Variants in ANKRD27 observed in about 807,000 individuals in gnomAD.
ANKRD27 encodes the protein ankyrin repeat domain 27.
A neutral mutation model predicts 129.7 loss-of-function variants in ANKRD27; 112 were observed. The ratio of observed to expected loss-of-function variants is 0.86; its 90% CI spans 0.74 to 1.01. ANKRD27 has a LOEUF of 1.01. Ranked by LOEUF, ANKRD27 falls within the 50% of genes least tolerant of loss-of-function variation. ANKRD27 has a pLI of 0.00. For synonymous variants in ANKRD27, 516 were observed against 511.2 expected (o/e 1.01, Z -0.13); for missense variants, 1,258 against 1,300.5 (o/e 0.97, Z 0.50).
chr19:32,670,149 A>T (rs988709807), intron 1 of ANKRD27, among the ~76,000 whole-genome samples: 5 of 152,208 alleles, frequency 3.3e-5, no homozygotes, highest in Non-Finnish European at 1.5e-5. Context: ...CATGCAGGTC[A>T]CATGCAAGAA....
chr19:32,628,153 ATCATTCAACCTCC>A lies in ANKRD27; in HGVS notation c.1338-1_1349del. 1 of 1,614,102 alleles carries A rather than the reference ATCATTCAACCTCC, an allele frequency of 6.2e-7. No homozygotes were observed. The highest frequency in any genetic ancestry group is 8.5e-7 in the Non-Finnish European group (1 of 1,179,922). On this transcript the variant is annotated splice_acceptor_variant and coding_sequence_variant, in exon 15 of 29. Coordinates refer to ENST00000306065, the MANE Select transcript of ANKRD27 (RefSeq NM_032139.3). LOFTEE classifies it high-confidence loss of function. ...TGGAGAATGGAGTGACAACTGAGGG[ATCATTCAACCTCC>A]TAAAATACAGAAAGAGATAGAAAAC...
At chr19:32,652,949 A>G (rs535862166) in intron 2 of ANKRD27, among the ~76,000 whole-genome samples, 2 of 152,248 alleles carry the variant, frequency 1.3e-5, no homozygotes, top group Non-Finnish European at 1.5e-5. Context: ...AGAAGAAAAG[A>G]AAAGTCAAAT....
chr19:32,599,077 C>A (rs1256363233), intron 28 of ANKRD27, among the ~76,000 whole-genome samples: 1 of 152,114 alleles, frequency 6.6e-6, no homozygotes, highest in Non-Finnish European at 1.5e-5. Flanking sequence ...GTCAGGAGTT[C>A]AAGACCAGCC....
intron 15 of ANKRD27, 49 bp downstream of exon 15, chr19:32,628,034 C>T (rs776061477): frequency 6.4e-7 from 1 of 1,569,610 alleles, no homozygotes; most frequent in South Asian, 1.1e-5. Flanking sequence ...ACCTTGGGCA[C>T]CATCCCTTTG....
At chr19:32,657,460 T>C (rs945462643) in intron 2 of ANKRD27, among the ~76,000 whole-genome samples, 73 of 126,074 alleles carry the variant, frequency 5.8e-4, no homozygotes, top group Admixed American at 8.9e-4. Flanking sequence ...AGGCTCTGTC[T>C]CAAAAAAAAA....
chr19:32,661,494 G>A (rs757151630), intron 1 of ANKRD27, among the ~76,000 whole-genome samples: 2 of 151,828 alleles, frequency 1.3e-5, no homozygotes, highest in African/African-American at 2.4e-5. Flanking sequence ...GCACCACCAC[G>A]CCCAACCTTT....
At position 32,665,763 on chromosome 19, in the gene ANKRD27, G is replaced by GT. The variant is rs1205718213; in HGVS notation, c.-30-6719dup. Among the ~76,000 whole-genome samples the GT allele has an allele frequency of 3.3e-3, 498 of 148,966 alleles. 1 individual carries two copies. The highest frequency in any genetic ancestry group is 6.4e-3 in the Non-Finnish European group (427 of 66,996). On this transcript the variant is annotated intron_variant, in intron 1 of 28. Transcript: ENST00000306065. The stretch of plus-strand genomic sequence containing the variant: ...CATGAGCCACCGCGCCCAGCCTGCC[G>GT]TTTTTTTTGTTTTTCGAGACAGAGG...
intron 1 of ANKRD27, among the ~76,000 whole-genome samples, chr19:32,661,247 A>ACATACACACACC (rs1568419976): frequency 4.9e-5 from 2 of 40,508 alleles, no homozygotes; most frequent in Admixed American, 6.0e-4. Context: ...ACACACACAC[A>ACATACACACACC]CACATATACT....
At chr19:32,660,157 C>T (rs1475742506) in intron 1 of ANKRD27, among the ~76,000 whole-genome samples, 1 of 152,192 alleles carries the variant, frequency 6.6e-6, no homozygotes, top group Admixed American at 6.5e-5. Context: ...TTATGTCCCC[C>T]AAAAACTCAT....
chr19:32,619,765 G>C (rs986588328), intron 18 of ANKRD27, among the ~76,000 whole-genome samples: 3 of 152,118 alleles, frequency 2.0e-5, no homozygotes, highest in Non-Finnish European at 4.4e-5. Flanking sequence ...CCGAAGTCGG[G>C]GCTTCCTCCC....
intron 1 of ANKRD27, among the ~76,000 whole-genome samples, chr19:32,669,125 T>C (rs1333657546): frequency 6.6e-6 from 1 of 152,174 alleles, no homozygotes; most frequent in Non-Finnish European, 1.5e-5. Flanking sequence ...AGTCATATTT[T>C]ATTTCAACAG....
intron 2 of ANKRD27, among the ~76,000 whole-genome samples, chr19:32,657,439 G>A (rs1158591840): frequency 6.6e-6 from 1 of 150,438 alleles, no homozygotes; most frequent in Non-Finnish European, 1.5e-5. Flanking sequence ...TCTAGCCTGG[G>A]TGACAGAGCA....
rs989226839 is a variant in ANKRD27 at position 32,602,079 on chromosome 19, A to C, written c.2703T>G (p.Ala901=). The C allele has an allele frequency of 1.9e-6, 3 of 1,614,012 alleles. No individual in the cohort carries two copies. The highest frequency in any genetic ancestry group is 3.3e-5 in the Admixed American group (2 of 60,004). ...ELLQVVPSCV[A]SLDDVAETDR... Reference sequence around the variant, plus strand: ...CAGTTTCAGCCACATCATCTAATGAAGCAACACAGCTTGGTACCACCTGAA... The same window carrying C: ...CAGTTTCAGCCACATCATCTAATGACGCAACACAGCTTGGTACCACCTGAA... The change falls in exon 26 of 29, where the codon GCT becomes GCG. Residue 901 remains alanine, a synonymous_variant. Coordinates refer to ENST00000306065, the MANE Select transcript of ANKRD27 (RefSeq NM_032139.3).
intron 13 of ANKRD27, among the ~76,000 whole-genome samples, chr19:32,630,128 C>A (rs1966967419): frequency 6.6e-6 from 1 of 152,096 alleles, no homozygotes; most frequent in African/African-American, 2.4e-5. Flanking sequence ...AGGGGATCCT[C>A]TTTTATTCTA....
At chr19:32,611,927 C>A (rs1259689235) in intron 22 of ANKRD27, among the ~76,000 whole-genome samples, 1 of 152,046 alleles carries the variant, frequency 6.6e-6, no homozygotes, top group African/African-American at 2.4e-5. Flanking sequence ...TTCTTAGAGA[C>A]AGGGTCTTAC....
intron 19 of ANKRD27, 25 bp downstream of exon 19, chr19:32,619,469 G>A: frequency 6.2e-7 from 1 of 1,614,028 alleles, no homozygotes; most frequent in South Asian, 1.1e-5. Flanking sequence ...AAGGTAACCT[G>A]ACCTGCTCAG....
At chr19:32,656,091 G>GGA (rs1555747107) in intron 2 of ANKRD27, among the ~76,000 whole-genome samples, 16 of 117,708 alleles carry the variant, frequency 1.4e-4, no homozygotes, top group East Asian at 1.0e-3. Flanking sequence ...AAGAAAGAAA[G>GGA]AAAGAAAGAA....
intron 26 of ANKRD27, among the ~76,000 whole-genome samples, chr19:32,600,807 G>A (rs1351670640): frequency 6.6e-6 from 1 of 152,014 alleles, no homozygotes; most frequent in African/African-American, 2.4e-5. Context: ...ATCGAGATAT[G>A]TGAATGGGTT....
At chr19:32,622,276 T>C (rs1426918834) in intron 18 of ANKRD27, 146 bp downstream of exon 18, 7 of 825,676 alleles carry the variant, frequency 8.5e-6, no homozygotes, top group South Asian at 3.2e-5. Context: ...CCATTAATGA[T>C]GACGTCCCAC....
Sources: allele counts gnomAD v4.1 joint callset (sites outside exome capture counted in the v4.1 genomes callset), GRCh38; gene constraint gnomAD v4.1.1; transcripts MANE v1.5; gene names NCBI Gene and HGNC (gene_info 2026-07-23, HGNC 2026-07-21).